PC: variants seen among roughly 807,000 people sequenced by gnomAD.
PC encodes pyruvate carboxylase, mitochondrial.
In PC, 46 loss-of-function variants were observed where a neutral mutation model predicts 107.8. The observed-to-expected ratio is 0.43, with a 90% confidence interval of 0.34 to 0.55. The LOEUF (loss-of-function observed/expected upper bound fraction) is 0.55, where lower values mean the gene tolerates loss of function less well. PC is among the 20% of genes least tolerant of loss of function. PC has a pLI of 0.04. For missense variants in PC, 1,241 were observed against 1,643.1 expected (o/e 0.76, Z 4.23); for synonymous variants, 662 against 684.7 (o/e 0.97, Z 0.52).
At chr11:66,946,297 C>G (rs1276986700) in intron 3 of PC, among the ~76,000 whole-genome samples, 1 of 151,770 alleles carries the variant, frequency 6.6e-6, no homozygotes, top group East Asian at 1.9e-4. Flanking sequence ...AGTTTGAGAC[C>G]AGCCCTGGCA....
chr11:66,918,549 T>C (rs1167490479), intron 3 of PC, among the ~76,000 whole-genome samples: 1 of 151,950 alleles, frequency 6.6e-6, no homozygotes, highest in African/African-American at 2.4e-5. Flanking sequence ...ATTTTTTGTA[T>C]TTTTGTAGAG....
chr11:66,889,888 T>G (rs1180651273), intron 3 of PC, among the ~76,000 whole-genome samples: 4 of 138,472 alleles, frequency 2.9e-5, no homozygotes, highest in Non-Finnish European at 6.4e-5. Context: ...ATGTTCTAAT[T>G]TTTTTCATAA....
chr11:66,871,604 G>A lies in PC; in HGVS notation c.321+83C>T. The A allele has an allele frequency of 3.2e-6, 5 of 1,568,682 alleles. No individual in the cohort carries two copies. The highest frequency in any genetic ancestry group is 3.5e-6 in the Non-Finnish European group (4 of 1,148,900). The stretch of plus-strand genomic sequence containing the variant: ...ACCCACCCACGCACAGAGGCGCTGA[G>A]CACGCCAGCCTCAAGAGACCCCCGC... On this transcript the variant is annotated intron_variant, in intron 5 of 22. Transcript: ENST00000393960. The surrounding 1 kb of genome is among the most constrained non-coding windows in gnomAD (Gnocchi z 7.4).
At chr11:66,946,011 G>A (rs983363911) in intron 3 of PC, among the ~76,000 whole-genome samples, 4 of 149,906 alleles carry the variant, frequency 2.7e-5, no homozygotes, top group African/African-American at 7.4e-5. Flanking sequence ...GCGTGAACCC[G>A]GGAAGCGAAG....
chr11:66,906,009 T>C (rs1345333468), intron 3 of PC, among the ~76,000 whole-genome samples: 1 of 151,590 alleles, frequency 6.6e-6, no homozygotes, highest in South Asian at 2.1e-4. Context: ...ACTGCTAGTA[T>C]GTCACAGCAC....
chr11:66,888,674 C>T (rs1206628739), intron 3 of PC, among the ~76,000 whole-genome samples: 1 of 152,200 alleles, frequency 6.6e-6, no homozygotes, highest in East Asian at 1.9e-4. Flanking sequence ...GAGATGGCAA[C>T]GCACAACTTG....
intron 3 of PC, among the ~76,000 whole-genome samples, chr11:66,928,588 C>T (rs770989859): frequency 2.6e-5 from 4 of 151,944 alleles, no homozygotes; most frequent in Admixed American, 2.6e-4. Flanking sequence ...TGCAATGGAG[C>T]GATCTCAGCT....
rs547745573 is a variant in PC at position 66,850,541 on chromosome 11, T to C, written c.2474-77A>G. ...GGACCCAGGGCTAGCTCAGGTCCCA[T>C]GTCTGACTCAGGTGACAGAAGGCGG... is the stretch of plus-strand genomic sequence containing the variant. On this transcript the variant is annotated intron_variant, in intron 18 of 22. Transcript: ENST00000393960. 600 of 1,608,704 alleles carry C rather than the reference T, an allele frequency of 3.7e-4. 1 individual carries two copies. Among genetic ancestry groups the C allele is most frequent in the Non-Finnish European group, 4.5e-4 (534 of 1,178,874 alleles).
intron 3 of PC, among the ~76,000 whole-genome samples, chr11:66,901,535 T>C (rs1160762470): frequency 6.6e-6 from 1 of 152,200 alleles, no homozygotes; most frequent in Non-Finnish European, 1.5e-5. Flanking sequence ...AATGGCGCGA[T>C]CTTGGCTCAC....
Position 66,866,675 on chromosome 11 carries a change from C to T in PC, c.1023-326G>A, listed in dbSNP as rs1472655687. Among the ~76,000 whole-genome samples the T allele has an allele frequency of 6.6e-6, 1 of 152,220 alleles. No individual in the cohort carries two copies. The highest frequency in any genetic ancestry group is 1.5e-5 in the Non-Finnish European group (1 of 68,038). On this transcript the variant is annotated intron_variant, in intron 10 of 22. Transcript: ENST00000393960. The surrounding 1 kb of genome is among the most constrained non-coding windows in gnomAD (Gnocchi z 5.4). ...GCTGCTCCTCCCTGTACTCTGCCTCCTCCTTCCTTGAGGTCTGTTTTCCCC... is the reference window on the plus strand; with the variant it reads ...GCTGCTCCTCCCTGTACTCTGCCTCTTCCTTCCTTGAGGTCTGTTTTCCCC...
In PC at chr11:66,870,311, G is replaced by A. The variant is rs369445102; in HGVS notation, c.894C>T (p.Leu298=). 129 of 1,613,130 alleles carry A rather than the reference G, an allele frequency of 8.0e-5. No individual in the cohort carries two copies. The highest frequency in any genetic ancestry group is 1.7e-4 in the Middle Eastern group (1 of 6,020). The part of the protein sequence containing the change: ...RTRLTSDSVK[L]AKQVGYENAG... Reference sequence around the variant, plus strand: ...GAAGCCCACCCTTCACCTGTTTAGCGAGTTTCACAGAGTCGCTGGTGAGCC... The same window carrying A: ...GAAGCCCACCCTTCACCTGTTTAGCAAGTTTCACAGAGTCGCTGGTGAGCC... The change falls in exon 9 of 23, where the codon CTC becomes CTT. Residue 298 remains leucine, a synonymous_variant. Coordinates refer to ENST00000393960, the MANE Select transcript of PC (RefSeq NM_001040716.2). This position sits in a 1 kb window ranked among gnomAD's most constrained non-coding sequence, Gnocchi z 6.1.
At chr11:66,897,249 T>C (rs1450797654) in intron 3 of PC, among the ~76,000 whole-genome samples, 1 of 152,142 alleles carries the variant, frequency 6.6e-6, no homozygotes, top group Non-Finnish European at 1.5e-5. Context: ...CCTTTTGAAT[T>C]GGCACCATGT....
chr11:66,865,528 G>T (rs1380364036), intron 11 of PC, among the ~76,000 whole-genome samples: 1 of 152,200 alleles, frequency 6.6e-6, no homozygotes, highest in Non-Finnish European at 1.5e-5. Flanking sequence ...CAATGACTGG[G>T]TCCCGGTGCT....
Position 66,858,548 on chromosome 11 carries a change from C to T in PC, c.1369-5165G>A, listed in dbSNP as rs1306642818. On this transcript the variant is annotated intron_variant, in intron 12 of 22. Transcript: ENST00000393960. This position sits in a 1 kb window ranked among gnomAD's most constrained non-coding sequence, Gnocchi z 5.9. ...CGCCCGGCCTGGCCGGCCGCTACTT[C>T]TGGGCAGTGCCCGAGGGCGAGTTCT... 6.5e-7 allele frequency: 1 copy of T among 1,533,706 alleles called. No homozygotes were observed. The highest frequency in any genetic ancestry group is 1.2e-5 in the South Asian group (1 of 83,928).
chr11:66,856,628 G>C (rs1321184654), intron 12 of PC: 30 of 152,646 alleles, frequency 2.0e-4, no homozygotes, highest in Admixed American at 2.0e-3. Flanking sequence ...GTTTGCGCTC[G>C]GCCCTGCCCG....
chr11:66,849,161 G>A lies in PC; in HGVS notation c.3289-14C>T, dbSNP rs1945318271. The A allele has an allele frequency of 1.2e-6, 2 of 1,613,794 alleles. No individual in the cohort carries two copies. The highest frequency in any genetic ancestry group is 1.7e-6 in the Non-Finnish European group (2 of 1,180,036). ...GAAGTGCATCTCCTGAAGACACAGG[G>A]CAGAGGGGACATGACATCCTGGGCC... On this transcript the variant is annotated splice_polypyrimidine_tract_variant and intron_variant, in intron 22 of 22. Coordinates refer to ENST00000393960, the MANE Select transcript of PC (RefSeq NM_001040716.2).
intron 3 of PC, chr11:66,934,318 CTG>C (rs1309934907): frequency 6.6e-6 from 1 of 152,580 alleles, no homozygotes; most frequent in Admixed American, 6.5e-5. Context: ...AGGCACATGA[CTG>C]TGTGATTTCA....
chr11:66,855,045 A>G (rs1945720695), intron 12 of PC, among the ~76,000 whole-genome samples: 1 of 152,262 alleles, frequency 6.6e-6, no homozygotes, highest in Admixed American at 6.5e-5. Flanking sequence ...CAGGCCGCTG[A>G]GGAACCTGCA....
chr11:66,861,330 G>C (rs1197448490), intron 12 of PC, among the ~76,000 whole-genome samples: 1 of 152,212 alleles, frequency 6.6e-6, no homozygotes. Context: ...TCCCCCAGGT[G>C]CTGTATGAAA....
Sources: gnomAD v4.1 joint callset for allele counts (sites outside exome capture counted in the v4.1 genomes callset) on GRCh38, gnomAD v4.1.1 for gene constraint, Gnocchi (gnomAD v3.1) non-coding constraint, MANE v1.5 for transcripts, NCBI Gene and HGNC (gene_info 2026-07-23, HGNC 2026-07-21) for gene names.